PPP2R1B: variants seen among roughly 807,000 people sequenced by gnomAD.
PPP2R1B encodes the protein serine/threonine-protein phosphatase 2A 65 kDa regulatory subunit A beta isoform.
PPP2R1B carries 58 observed loss-of-function variants against 72.7 expected under a neutral mutation model. That is an observed-to-expected ratio of 0.80 (90% CI 0.65 to 0.99). PPP2R1B has a LOEUF of 0.99. Among genes scored for constraint, PPP2R1B ranks in the 50% least tolerant of loss-of-function variants. The probability of loss-of-function intolerance (pLI) is 0.00; values close to 1 mark genes in which losing one functional copy is unlikely to be tolerated. For synonymous variants in PPP2R1B, 256 were observed against 264.6 expected (o/e 0.97, Z 0.32); for missense variants, 695 against 733.6 (o/e 0.95, Z 0.61).
In PPP2R1B at chr11:111,738,752, T is replaced by G. The variant is rs772207076; in HGVS notation, c.*2844A>C. 17 of 985,304 alleles carry G rather than the reference T, an allele frequency of 1.7e-5. No homozygotes were observed. The highest frequency in any genetic ancestry group is 2.0e-5 in the Non-Finnish European group (17 of 829,946). 61.0% of individuals were successfully genotyped at this position (985,304 alleles called of 1,614,324 possible). A position where few individuals can be genotyped will look rare whatever the true frequency, so the allele number is the denominator to read the frequency against. Reference sequence around the variant, plus strand: ...CATCCTCAGGTTCACATCTTCTTGGTAGCACAGAGAGAGAAACAAGACCTG... The same window carrying G: ...CATCCTCAGGTTCACATCTTCTTGGGAGCACAGAGAGAGAAACAAGACCTG... On this transcript the variant is annotated 3_prime_UTR_variant, in exon 15 of 15. Transcript: ENST00000527614.
the PPP2R1B span, chr11:111,720,441 T>C: frequency 6.4e-7 from 1 of 1,553,106 alleles, no homozygotes; most frequent in Non-Finnish European, 8.7e-7. Context: ...GGAGATGCTA[T>C]TGCTGTTGGT....
the PPP2R1B span, among the ~76,000 whole-genome samples, chr11:111,717,097 G>A: frequency 2.0e-5 from 3 of 151,946 alleles, no homozygotes; most frequent in Non-Finnish European, 2.9e-5. Flanking sequence ...GGCGGATCAC[G>A]AGGTCAGGAG....
the PPP2R1B span, among the ~76,000 whole-genome samples, chr11:111,716,957 G>A: frequency 1.3e-5 from 2 of 152,040 alleles, no homozygotes; most frequent in Admixed American, 1.3e-4. Context: ...TAAAAAGTGG[G>A]CAAAGGACAA....
the PPP2R1B span, among the ~76,000 whole-genome samples, chr11:111,703,612 C>T: frequency 3.0e-4 from 46 of 152,304 alleles, no homozygotes; most frequent in African/African-American, 1.1e-3. Context: ...CCTTTCTTTG[C>T]CCCCATCTGC....
chr11:111,701,553 G>A, the PPP2R1B span: 3 of 1,613,800 alleles, frequency 1.9e-6, no homozygotes, highest in Non-Finnish European at 2.5e-6. This position sits in a 1 kb window ranked among gnomAD's most constrained non-coding sequence, Gnocchi z 4.2. Context: ...GAAGATTCCG[G>A]ATTCCGTATT....
chr11:111,703,387 G>A, the PPP2R1B span: 1 of 1,613,876 alleles, frequency 6.2e-7, no homozygotes, highest in African/African-American at 1.3e-5. Context: ...TGCGACTGAT[G>A]CACAGCCTTG....
chr11:111,741,712 T>C, intron 14 of PPP2R1B, 100 bp from the exon 15 acceptor site: 3 of 1,297,082 alleles, frequency 2.3e-6, no homozygotes, highest in Non-Finnish European at 2.2e-6. Flanking sequence ...CGTATCAAAC[T>C]AACAACTTCT....
chr11:111,700,128 T>G, the PPP2R1B span, among the ~76,000 whole-genome samples: 1 of 152,246 alleles, frequency 6.6e-6, no homozygotes, highest in Non-Finnish European at 1.5e-5. Context: ...ACTAAATTTT[T>G]TAATGCATGT....
At chr11:111,751,906 G>A (rs558578713) in intron 10 of PPP2R1B, among the ~76,000 whole-genome samples, 3 of 152,342 alleles carry the variant, frequency 2.0e-5, no homozygotes, top group Middle Eastern at 3.4e-3. Flanking sequence ...AAACCCAGGA[G>A]GTGGAGGTTG....
rs1803629689 is a variant in PPP2R1B, at chr11:111,752,660, G to GC, written c.1165-329dup. 2.6e-5 allele frequency among the ~76,000 whole-genome samples: 4 copies of GC among 152,270 alleles called. No homozygotes were observed. In the South Asian group the frequency reaches 8.3e-4, roughly 32 times the overall value. The stretch of plus-strand genomic sequence containing the variant: ...TGCTCAAGTTACTTTAACCCTCTAT[G>GC]CCTCAGCTTTCTCATCTGTAAAATG... On this transcript the variant is annotated intron_variant, in intron 9 of 14. Coordinates refer to ENST00000527614, the MANE Select transcript of PPP2R1B (RefSeq NM_002716.5).
chr11:111,720,102 A>G, the PPP2R1B span: 2 of 1,162,016 alleles, frequency 1.7e-6, no homozygotes, highest in African/African-American at 3.0e-5. Flanking sequence ...CCTAAAATTG[A>G]GTCGATAGCT....
In PPP2R1B at chr11:111,741,413, T is replaced by TA. The variant is rs910665635; in HGVS notation, c.*182dup. The TA allele has an allele frequency of 1.8e-5, 25 of 1,404,458 alleles. No individual in the cohort carries two copies. Among genetic ancestry groups the TA allele is most frequent in the Non-Finnish European group, 2.3e-5 (25 of 1,082,514 alleles). The allele number at this position is 1,404,458 out of a possible 1,614,324, so 87.0% of individuals were successfully genotyped here. ...ATAATGATTTAACAAGGAAGACGAG[T>TA]AAAAAACAATCCCATTTCATCTTTA... is the stretch of plus-strand genomic sequence containing the variant. On this transcript the variant is annotated 3_prime_UTR_variant, in exon 15 of 15. Coordinates refer to ENST00000527614, the MANE Select transcript of PPP2R1B (RefSeq NM_002716.5).
At chr11:111,708,728 T>G in the PPP2R1B span, among the ~76,000 whole-genome samples, 1 of 151,952 alleles carries the variant, frequency 6.6e-6, no homozygotes, top group South Asian at 2.1e-4. Flanking sequence ...GGACCACAAG[T>G]GCATGCCACC....
the PPP2R1B span, among the ~76,000 whole-genome samples, chr11:111,705,349 T>G: frequency 6.6e-6 from 1 of 152,252 alleles, no homozygotes; most frequent in Non-Finnish European, 1.5e-5. The surrounding 1 kb of genome is among the most constrained non-coding windows in gnomAD (Gnocchi z 4.3). Context: ...TTTAAAATTG[T>G]TTTCATCATT....
chr11:111,704,672 A>G, the PPP2R1B span, among the ~76,000 whole-genome samples: 1 of 152,210 alleles, frequency 6.6e-6, no homozygotes, highest in Non-Finnish European at 1.5e-5. Flanking sequence ...ATGGGGCCAT[A>G]TGGCAGCATT....
chr11:111,707,846 A>C, the PPP2R1B span, among the ~76,000 whole-genome samples: 1 of 152,214 alleles, frequency 6.6e-6, no homozygotes, highest in African/African-American at 2.4e-5. Flanking sequence ...TGGGTTCCAC[A>C]CACCAAGCTG....
chr11:111,735,568 CAT>C (rs1020649756), downstream of PPP2R1B, among the ~76,000 whole-genome samples: 25 of 152,218 alleles, frequency 1.6e-4, no homozygotes, highest in Non-Finnish European at 2.8e-4. Flanking sequence ...TGGGTGGACA[CAT>C]GTGACATCCA....
the PPP2R1B span, among the ~76,000 whole-genome samples, chr11:111,691,987 A>C: frequency 2.0e-5 from 3 of 152,128 alleles, no homozygotes; most frequent in Non-Finnish European, 4.4e-5. Flanking sequence ...GAATCAGGGA[A>C]ATTATTAGCT....
chr11:111,699,873 G>T, the PPP2R1B span, among the ~76,000 whole-genome samples: 2 of 152,208 alleles, frequency 1.3e-5, no homozygotes, highest in Non-Finnish European at 2.9e-5. Flanking sequence ...CTGTCTGGCA[G>T]TAGAGACTTG....
Sources: allele counts gnomAD v4.1 joint callset (sites outside exome capture counted in the v4.1 genomes callset), GRCh38; gene constraint gnomAD v4.1.1; non-coding constraint Gnocchi (gnomAD v3.1); transcripts MANE v1.5; gene names NCBI Gene and HGNC (gene_info 2026-07-23, HGNC 2026-07-21).